ZNF701: variants seen among roughly 807,000 people sequenced by gnomAD.
ZNF701 encodes zinc finger protein 701.
In ZNF701, 6 loss-of-function variants were observed where a neutral mutation model predicts 7.1. The ratio of observed to expected loss-of-function variants is 0.84; its 90% CI spans 0.46 to 1.66. ZNF701 has a LOEUF of 1.66. ZNF701 is among the 40% of genes most tolerant of loss of function. The pLI is 0.01. For synonymous variants in ZNF701, 166 were observed against 188.2 expected (o/e 0.88, Z 0.97); for missense variants, 541 against 559.2 (o/e 0.97, Z 0.33).
At chr19:52,595,226 T>A in the ZNF701 span, among the ~76,000 whole-genome samples, 1 of 151,972 alleles carries the variant, frequency 6.6e-6, no homozygotes, top group Non-Finnish European at 1.5e-5. Context: ...AACTGTTGCT[T>A]TTTGTGTAAT....
chr19:52,577,939 A>T (rs555001168), intron 3 of ZNF701, among the ~76,000 whole-genome samples: 1 of 152,114 alleles, frequency 6.6e-6, no homozygotes, highest in African/African-American at 2.4e-5. Context: ...AGGAATAGTG[A>T]AAGTCTTTGA....
At chr19:52,572,973 C>T in intron 1 of ZNF701, 1 of 284,770 alleles carries the variant, frequency 3.5e-6, no homozygotes, top group Non-Finnish European at 6.8e-6. Context: ...GAAATGTCTC[C>T]CATGCCCTCC....
At chr19:52,570,724 T>C (rs1388173378) in intron 1 of ZNF701, 1 of 152,136 alleles carries the variant, frequency 6.6e-6, no homozygotes. Flanking sequence ...GGAGGCCGAG[T>C]TCTCTGCCTG....
chr19:52,590,737 C>T (rs143283535), downstream of ZNF701, among the ~76,000 whole-genome samples: 13 of 152,202 alleles, frequency 8.5e-5, no homozygotes, highest in Non-Finnish European at 1.8e-4. Flanking sequence ...TGGATGTGTC[C>T]TCTCTAGGTT....
rs745374418 is a variant in ZNF701, at chr19:52,582,955, A to C, written c.896A>C (p.Lys299Thr). The change falls in exon 4 of 4, where the codon AAG becomes ACG. Residue 299 changes from lysine (K) to threonine (T), a missense_variant. By Grantham distance (78) the Lys-to-Thr change is moderately conservative. Coordinates refer to ENST00000391785, the MANE Select transcript of ZNF701 (RefSeq NM_018260.3). ...KAIHTGEKPY[K>T]CNECGKVFNQ... ...ATTCATACTGGAGAGAAACCTTACA[A>C]GTGTAATGAATGTGGCAAGGTTTTT... The C allele has an allele frequency of 6.2e-7, 1 of 1,614,146 alleles. No individual in the cohort carries two copies. Among genetic ancestry groups the C allele is most frequent in the Admixed American group, 1.7e-5 (1 of 60,020 alleles).
chr19:52,576,449 G>A lies in ZNF701; in HGVS notation c.142+428G>A, dbSNP rs563657751. Among the ~76,000 whole-genome samples, 33 of 152,206 alleles carry A rather than the reference G, an allele frequency of 2.2e-4. No homozygotes were observed. The East Asian group carries it at 4.8e-3, about 22-fold the overall frequency. The stretch of plus-strand genomic sequence containing the variant: ...CCAGCTCCTAGAAAGGCTGATGAAA[G>A]AGAATCGCTTGATCCCGGCAGGCCA... On this transcript the variant is annotated intron_variant, in intron 3 of 3. Transcript: ENST00000391785.
Position 52,585,864 on chromosome 19 carries a change from T to C in ZNF701, c.*2407T>C, listed in dbSNP as rs1214485048. ...TGGCCACTCCTGGGCTCTTTCTCTTTCCACCTGCGACCTGGTGGAAGGGGG... is the reference window on the plus strand; with the variant it reads ...TGGCCACTCCTGGGCTCTTTCTCTTCCCACCTGCGACCTGGTGGAAGGGGG... On this transcript the variant is annotated 3_prime_UTR_variant, in exon 4 of 4. Transcript: ENST00000391785. 1 of 152,272 alleles carries C rather than the reference T, an allele frequency of 6.6e-6. No individual in the cohort carries two copies. The highest frequency in any genetic ancestry group is 1.5e-5 in the Non-Finnish European group (1 of 68,096). The allele number at this position is 152,272 out of a possible 1,614,324, so 9.4% of individuals were successfully genotyped here.
At chr19:52,577,475 A>G (rs1413671144) in intron 3 of ZNF701, among the ~76,000 whole-genome samples, 1 of 116,982 alleles carries the variant, frequency 8.5e-6, no homozygotes. Flanking sequence ...AATTAGATAC[A>G]GAGATGATCA....
chr19:52,595,237 A>G, the ZNF701 span, among the ~76,000 whole-genome samples: 1 of 150,426 alleles, frequency 6.6e-6, no homozygotes, highest in Non-Finnish European at 1.5e-5. Flanking sequence ...TTTGTGTAAT[A>G]TTTACACATT....
At chr19:52,595,472 A>AT in the ZNF701 span, 275 of 342,054 alleles carry the variant, frequency 8.0e-4, no homozygotes, top group African/African-American at 4.9e-3. Flanking sequence ...GGGTTTCACC[A>AT]TGTTAGCGAG....
the ZNF701 span, chr19:52,597,745 A>T: frequency 3.2e-5 from 7 of 219,940 alleles, no homozygotes; most frequent in South Asian, 4.6e-4. Context: ...AGGCCGGGCC[A>T]GAGGGTGATC....
At position 52,586,427 on chromosome 19, in the gene ZNF701, TCTC is replaced by T. The variant is rs777440462; in HGVS notation, c.*2974_*2976del. 2 of 152,124 alleles carry T rather than the reference TCTC, an allele frequency of 1.3e-5. No individual in the cohort carries two copies. Among genetic ancestry groups the T allele is most frequent in the Non-Finnish European group, 2.9e-5 (2 of 68,034 alleles). 9.4% of individuals were successfully genotyped at this position (152,124 alleles called of 1,614,324 possible). A position where few individuals can be genotyped will look rare whatever the true frequency, so the allele number is the denominator to read the frequency against. ...CATCCCAGCACTTTGTGAGGCCGATTCTCCTCTATCCAGGAGACGGGTTTCACC... is the reference window on the plus strand; with the variant it reads ...CATCCCAGCACTTTGTGAGGCCGATTCTCTATCCAGGAGACGGGTTTCACC... On this transcript the variant is annotated 3_prime_UTR_variant, in exon 4 of 4. Transcript: ENST00000391785.
intron 3 of ZNF701, among the ~76,000 whole-genome samples, chr19:52,577,380 C>T (rs2059941711): frequency 6.6e-6 from 1 of 151,958 alleles, no homozygotes; most frequent in Non-Finnish European, 1.5e-5. Flanking sequence ...CCTAAGATTA[C>T]CTAGGTGCCA....
chr19:52,594,137 G>A, the ZNF701 span: 33 of 122,964 alleles, frequency 2.7e-4, 4 homozygotes, highest in Non-Finnish European at 5.0e-4. Context: ...CCAACACAGC[G>A]AATCCCCGTC....
intron 3 of ZNF701, among the ~76,000 whole-genome samples, chr19:52,577,736 G>A (rs2059944749): frequency 6.6e-6 from 1 of 152,004 alleles, no homozygotes; most frequent in African/African-American, 2.4e-5. Flanking sequence ...CCTTTCCTTG[G>A]AGGAGTCAGG....
At chr19:52,596,873 A>G in the ZNF701 span, 7 of 552,390 alleles carry the variant, frequency 1.3e-5, no homozygotes, top group Non-Finnish European at 2.2e-5. Context: ...CTAATCAACA[A>G]TCAAACCTTG....
the ZNF701 span, chr19:52,595,787 T>G: frequency 0.43 from 686,777 of 1,601,104 alleles, 148,231 homozygotes; most frequent in Middle Eastern, 0.51. Context: ...GCAAGAAATT[T>G]AAAGAAATGG....
chr19:52,596,383 C>G, the ZNF701 span: 1 of 394,800 alleles, frequency 2.5e-6, no homozygotes, highest in South Asian at 2.0e-5. Context: ...GTGAAGAATG[C>G]AACAAAGTTT....
intron 3 of ZNF701, among the ~76,000 whole-genome samples, chr19:52,579,193 A>G (rs8110548): frequency 0.15 from 21,845 of 142,950 alleles, 3,578 homozygotes; most frequent in African/African-American, 0.21. Flanking sequence ...CTAGAGGAGA[A>G]GTAGTTTTGG....
Sources: gnomAD v4.1 joint callset for allele counts (sites outside exome capture counted in the v4.1 genomes callset) on GRCh38, gnomAD v4.1.1 for gene constraint, MANE v1.5 for transcripts, NCBI Gene and HGNC (gene_info 2026-07-23, HGNC 2026-07-21) for gene names.